MBNL3: variants seen among roughly 807,000 people sequenced by gnomAD.
MBNL3 encodes muscleblind-like protein 3.
Under a neutral mutation model 24.5 loss-of-function variants are expected in MBNL3, and 6 were observed. That is an observed-to-expected ratio of 0.25 (90% CI 0.13 to 0.48). The LOEUF is 0.48. Among genes scored for constraint, MBNL3 ranks in the 20% least tolerant of loss-of-function variants. The pLI is 0.99. For missense variants in MBNL3, 230 were observed against 293.5 expected (o/e 0.78, Z 1.58); for synonymous variants, 100 against 101.7 (o/e 0.98, Z 0.10).
chrX:132,454,039 T>C (rs1301875674), intron 1 of MBNL3, among the ~76,000 whole-genome samples: 1 of 111,848 alleles, frequency 8.9e-6, no homozygotes, highest in East Asian at 2.8e-4. Context: ...TTGCAGTGAA[T>C]GGAGATCATG....
intron 1 of MBNL3, among the ~76,000 whole-genome samples, chrX:132,477,408 T>TA (rs1202447155): frequency 8.9e-6 from 1 of 112,298 alleles, no homozygotes; most frequent in Non-Finnish European, 1.9e-5. Flanking sequence ...TATAAAGCCT[T>TA]ATTGTATGTC....
intron 4 of MBNL3, among the ~76,000 whole-genome samples, chrX:132,391,905 C>G (rs1937231729): frequency 1.8e-5 from 2 of 112,001 alleles, no homozygotes; most frequent in Admixed American, 9.5e-5. Context: ...CAGAGGCTTC[C>G]TGTGCCATCG....
chrX:132,377,014 A>G lies in MBNL3; in HGVS notation c.*2652T>C, dbSNP rs1253381760. The G allele has an allele frequency of 2.7e-5, 3 of 111,950 alleles. No homozygotes were observed. Among genetic ancestry groups the G allele is most frequent in the Non-Finnish European group, 5.7e-5 (3 of 53,080 alleles). 9.2% of individuals were successfully genotyped at this position (111,950 alleles called of 1,213,427 possible). A position where few individuals can be genotyped will look rare whatever the true frequency, so the allele number is the denominator to read the frequency against. ...AATGTCTTCCAGTGCTTAACGCAAC[A>G]TGAAAACAGCTGTACTGTAGGTCTA... On this transcript the variant is annotated 3_prime_UTR_variant, in exon 9 of 9. Transcript: ENST00000370853.
At position 132,392,243 on chromosome X, in the gene MBNL3, G is replaced by T; in HGVS notation, c.434C>A (p.Ala145Glu). The T allele has an allele frequency of 1.7e-6, 2 of 1,209,919 alleles. No homozygotes were observed. Among genetic ancestry groups the T allele is most frequent in the Non-Finnish European group, 2.2e-6 (2 of 894,194 alleles). ...IPHPGMGLVP[A>E]ELVPNTPVLI... ...AACAGGTGTATTTGGTACAAGTTCT[G>T]CAGGAACGAGGCCCATCCCAGGATG... The change falls in exon 4 of 9, where the codon GCA (alanine) becomes GAA (glutamate). Residue 145 changes from alanine to glutamate, a missense_variant. By Grantham distance (107) the Ala-to-Glu change is moderately radical (BLOSUM62 -1). Transcript: ENST00000370853.
At chrX:132,470,952 T>C (rs1947149087) in intron 1 of MBNL3, among the ~76,000 whole-genome samples, 1 of 111,363 alleles carries the variant, frequency 9.0e-6, no homozygotes, top group Non-Finnish European at 1.9e-5. Context: ...TGTTAGAGCA[T>C]CAAGTTCAAG....
Position 132,439,709 on chromosome X carries a change from A to G in MBNL3, c.-98T>C. On this transcript the variant is annotated 5_prime_UTR_variant, in exon 2 of 9. Transcript: ENST00000370853. ...ATGAATTCAAACTAAGTGCGAAGAGATAACAGGTTGCTTTGGTGAAATGTC... is the reference window on the plus strand; with the variant it reads ...ATGAATTCAAACTAAGTGCGAAGAGGTAACAGGTTGCTTTGGTGAAATGTC... 9.5e-7 allele frequency: 1 copy of G among 1,047,781 alleles called. No individual in the cohort carries two copies. 86.3% of individuals were successfully genotyped at this position (1,047,781 alleles called of 1,213,427 possible). A position where few individuals can be genotyped will look rare whatever the true frequency, so the allele number is the denominator to read the frequency against.
At chrX:132,384,779 A>G (rs1276059916) in intron 6 of MBNL3, 81 bp from the exon 7 acceptor site, 1 of 830,437 alleles carries the variant, frequency 1.2e-6, no homozygotes, top group Non-Finnish European at 1.7e-6. Context: ...ACATTTTAAC[A>G]GAAAGATTAT....
intron 5 of MBNL3, among the ~76,000 whole-genome samples, chrX:132,389,745 C>A (rs183080559): frequency 8.5e-4 from 95 of 111,299 alleles, no homozygotes; most frequent in Non-Finnish European, 1.6e-3. Flanking sequence ...ATCAAAACAA[C>A]GGACAGCTGT....
intron 2 of MBNL3, among the ~76,000 whole-genome samples, chrX:132,425,561 T>G (rs1247857792): frequency 9.0e-6 from 1 of 111,472 alleles, no homozygotes; most frequent in Non-Finnish European, 1.9e-5. Flanking sequence ...GAGTTCTTTA[T>G]TAAACTTTAA....
intron 3 of MBNL3, 65 bp from the exon 4 acceptor site, chrX:132,392,399 G>T (rs1055792245): frequency 1.1e-6 from 1 of 889,414 alleles, no homozygotes; most frequent in Non-Finnish European, 1.5e-6. Flanking sequence ...TACACAAAGA[G>T]GTATTCTTTC....
At chrX:132,381,921 G>A (rs1212422882) in intron 8 of MBNL3, among the ~76,000 whole-genome samples, 1 of 111,852 alleles carries the variant, frequency 8.9e-6, no homozygotes, top group African/African-American at 3.2e-5. Flanking sequence ...GGATTGGTGT[G>A]TTACCAGTAA....
At chrX:132,466,419 C>G (rs750735564) in intron 1 of MBNL3, among the ~76,000 whole-genome samples, 2 of 112,205 alleles carry the variant, frequency 1.8e-5, no homozygotes, top group Admixed American at 1.9e-4. Context: ...CTATTAATTC[C>G]CCCACAAACA....
At chrX:132,463,750 T>C (rs1040273804) in intron 1 of MBNL3, among the ~76,000 whole-genome samples, 23 of 112,343 alleles carry the variant, frequency 2.0e-4, no homozygotes, top group Non-Finnish European at 2.1e-4. Context: ...GACTGCTTTT[T>C]CTCATTCTGT....
intron 1 of MBNL3, among the ~76,000 whole-genome samples, chrX:132,450,133 ATTTGTGTTG>A (rs1467487315): frequency 1.8e-5 from 2 of 110,535 alleles, no homozygotes; most frequent in Non-Finnish European, 3.8e-5. Flanking sequence ...TCTGACGGTT[ATTTGTGTTG>A]GGGTTAGTCT....
chrX:132,396,614 T>TCA (rs1193895391), intron 3 of MBNL3, among the ~76,000 whole-genome samples: 20 of 42,346 alleles, frequency 4.7e-4, no homozygotes, highest in Middle Eastern at 0.024. Flanking sequence ...CTATATATAT[T>TCA]CATATATATA....
intron 2 of MBNL3, chrX:132,411,379 C>T: frequency 1.3e-6 from 1 of 754,039 alleles, no homozygotes; most frequent in Non-Finnish European, 1.6e-6. Flanking sequence ...AAAGGGAGTA[C>T]TGGGCTCAAC....
At chrX:132,470,878 T>C (rs1175875838) in intron 1 of MBNL3, among the ~76,000 whole-genome samples, 2 of 111,526 alleles carry the variant, frequency 1.8e-5, no homozygotes, top group Non-Finnish European at 3.8e-5. Context: ...CAAACTCAAG[T>C]TCCCAATCAA....
chrX:132,434,083 A>G (rs978378667), intron 2 of MBNL3, among the ~76,000 whole-genome samples: 1 of 110,848 alleles, frequency 9.0e-6, no homozygotes, highest in Non-Finnish European at 1.9e-5. Flanking sequence ...TCCTCCTCCA[A>G]CTCCCAATGA....
chrX:132,396,545 CCTATATATTCCT>C (rs1251575583), intron 3 of MBNL3, among the ~76,000 whole-genome samples: 5 of 47,442 alleles, frequency 1.1e-4, no homozygotes, highest in Non-Finnish European at 1.1e-4. Context: ...TATATATATT[CCTATATATTCCT>C]ATATATATTC....
Sources: allele counts gnomAD v4.1 joint callset (sites outside exome capture counted in the v4.1 genomes callset), GRCh38; gene constraint gnomAD v4.1.1; transcripts MANE v1.5; gene names NCBI Gene and HGNC (gene_info 2026-07-23, HGNC 2026-07-21).